The following ANKRD61 variants were observed in gnomAD, a reference collection of about 807,000 sequenced individuals.
ANKRD61 encodes the protein ankyrin repeat domain 61.
Under a neutral mutation model 8.4 loss-of-function variants are expected in ANKRD61, and 7 were observed. That is an observed-to-expected ratio of 0.84 (90% CI 0.48 to 1.57). The LOEUF (loss-of-function observed/expected upper bound fraction) is 1.57. ANKRD61 is among the 40% of genes most tolerant of loss of function. The pLI, the probability that ANKRD61 is intolerant of heterozygous loss-of-function variation, is 0.00. For synonymous variants in ANKRD61, 198 were observed against 208.0 expected (o/e 0.95, Z 0.41); for missense variants, 516 against 523.4 (o/e 0.99, Z 0.14).
In ANKRD61 at chr7:6,036,050, A is replaced by T. The variant is rs1319271907; in HGVS notation, c.921A>T (p.Leu307Phe). 1 of 1,551,106 alleles carries T rather than the reference A, an allele frequency of 6.4e-7. No individual in the cohort carries two copies. Among genetic ancestry groups the T allele is most frequent in the South Asian group, 1.2e-5 (1 of 84,058 alleles). ...LLEFEANVNI[L>F]TRNGESPIYM... ...AATTTGAAGCAAATGTTAACATTTT[A>T]ACAAGAAACGGGGAATCTCCAATTT... The change falls in exon 3 of 3, where the codon TTA (leucine) becomes TTT (phenylalanine). Residue 307 changes from leucine (L) to phenylalanine (F), a missense_variant. By Grantham distance (22) the Leu-to-Phe change is conservative. Transcript: ENST00000409061. The surrounding 1 kb of genome is among the most constrained non-coding windows in gnomAD (Gnocchi z 4.6).
rs1366405083 is a variant in ANKRD61 at position 6,035,626 on chromosome 7, G to T, written c.497G>T (p.Ser166Ile). Reference sequence around the variant, plus strand: ...CAAGTGAACACTCAAGGGGAAATCAGCAACAAACGTTCACCACTCCACCTG... The same window carrying T: ...CAAGTGAACACTCAAGGGGAAATCATCAACAAACGTTCACCACTCCACCTG... ...GAQVNTQGEI[S>I]NKRSPLHLAI... The change falls in exon 3 of 3, where the codon AGC becomes ATC. Residue 166 changes from serine to isoleucine, a missense_variant. Physicochemically the swap from Ser to Ile is moderately radical, Grantham distance 142. Transcript: ENST00000409061. This position sits in a 1 kb window ranked among gnomAD's most constrained non-coding sequence, Gnocchi z 5.5. 3.2e-6 allele frequency: 5 copies of T among 1,550,630 alleles called. No individual in the cohort carries two copies. The East Asian group carries it at 1.2e-4, about 38-fold the overall frequency.
In ANKRD61 at chr7:6,031,472, T is replaced by C. The variant is rs1220998336; in HGVS notation, c.97T>C (p.Tyr33His). The C allele has an allele frequency of 1.9e-6, 3 of 1,550,666 alleles. No individual in the cohort carries two copies. The highest frequency in any genetic ancestry group is 1.7e-6 in the Non-Finnish European group (2 of 1,147,034). The change falls in exon 1 of 3, where the codon TAT becomes CAT. Residue 33 changes from tyrosine to histidine, a missense_variant. Tyr to His is a moderately conservative substitution (Grantham distance 83). Coordinates refer to ENST00000409061, the MANE Select transcript of ANKRD61 (RefSeq NM_001271700.2). ...GPSAALHSKLYEAIMREDCTT... is the reference protein window; with the variant it reads ...GPSAALHSKLHEAIMREDCTT... ...ATCTGCAGCACTTCACTCGAAACTC[T>C]ATGAAGCCATCATGAGAGAAGACTG... is the stretch of plus-strand genomic sequence containing the variant.
At position 6,035,903 on chromosome 7, in the gene ANKRD61, C is replaced by A; in HGVS notation, c.774C>A (p.Val258=). Residue 258 remains valine, a synonymous_variant, in exon 3 of 3, where the codon GTC becomes GTA. Coordinates refer to ENST00000409061, the MANE Select transcript of ANKRD61 (RefSeq NM_001271700.2). This position sits in a 1 kb window ranked among gnomAD's most constrained non-coding sequence, Gnocchi z 5.5. The part of the protein sequence containing the change: ...SKAGRLLGAG[V]SCIRLLLTHG... Reference sequence around the variant, plus strand: ...CAGGCCGACTCCTCGGGGCGGGGGTCAGCTGCATCCGTCTGCTACTCACTC... The same window carrying A: ...CAGGCCGACTCCTCGGGGCGGGGGTAAGCTGCATCCGTCTGCTACTCACTC... 6.5e-7 allele frequency: 1 copy of A among 1,546,716 alleles called. No individual in the cohort carries two copies. Among genetic ancestry groups the A allele is most frequent in the Non-Finnish European group, 8.7e-7 (1 of 1,144,538 alleles).
Position 6,031,521 on chromosome 7 carries a change from GA to G in ANKRD61, c.149del (p.Asn50IlefsTer21). 1 of 1,550,706 alleles carries G rather than the reference GA, an allele frequency of 6.4e-7. No individual in the cohort carries two copies. On this transcript the variant is annotated frameshift_variant, in exon 1 of 3. Transcript: ENST00000409061. LOFTEE classifies it high-confidence loss of function. ...EDCTTIEVLL[R>X]NHPVNQPITI... is the part of the protein sequence containing the mutation. Reference sequence around the variant, plus strand: ...TGCACTACGATCGAGGTACTCCTGAGAAATCACCCTGTCAACCAGCCCATCA... The same window carrying G: ...TGCACTACGATCGAGGTACTCCTGAGAATCACCCTGTCAACCAGCCCATCA...
rs1469882703 is a variant in ANKRD61, at chr7:6,032,952, C to G, written c.314+16C>G. The G allele has an allele frequency of 1.3e-6, 2 of 1,539,632 alleles. No homozygotes were observed. The highest frequency in any genetic ancestry group is 1.8e-6 in the Non-Finnish European group (2 of 1,137,926). On this transcript the variant is annotated intron_variant, in intron 2 of 2. Coordinates refer to ENST00000409061, the MANE Select transcript of ANKRD61 (RefSeq NM_001271700.2). This position sits in a 1 kb window ranked among gnomAD's most constrained non-coding sequence, Gnocchi z 4.3. Reference sequence around the variant, plus strand: ...CAGAAGTCAGGTAAGTTAACTCCACCGAAAATCATTTCTTTTTTTTTCTTT... The same window carrying G: ...CAGAAGTCAGGTAAGTTAACTCCACGGAAAATCATTTCTTTTTTTTTCTTT...
Position 6,036,110 on chromosome 7 carries a change from T to C in ANKRD61, c.981T>C (p.Asp327=). The change falls in exon 3 of 3, where the codon GAT becomes GAC. Residue 327 remains aspartate (D), a synonymous_variant. Coordinates refer to ENST00000409061, the MANE Select transcript of ANKRD61 (RefSeq NM_001271700.2). The surrounding 1 kb of genome is among the most constrained non-coding windows in gnomAD (Gnocchi z 4.6). ...TTCAGCGCAGTTGCAATGTAAGAGA[T>C]ACGGCACTTCTGGCCAGGCTACTTT... ...MYLQRSCNVR[D]TALLARLLYH... The C allele has an allele frequency of 6.4e-7, 1 of 1,550,848 alleles. No homozygotes were observed. The highest frequency in any genetic ancestry group is 1.7e-4 in the Middle Eastern group (1 of 5,994).
rs1158796385 is a variant in ANKRD61, at chr7:6,036,333, G to C, written c.1204G>C (p.Val402Leu). Residue 402 changes from valine (V) to leucine (L), a missense_variant, in exon 3 of 3, where the codon GTG (valine) becomes CTG (leucine). Val to Leu is a conservative substitution (Grantham distance 32). Transcript: ENST00000409061. The surrounding 1 kb of genome is among the most constrained non-coding windows in gnomAD (Gnocchi z 4.6). ...YKQHLKQFLP[V>L]TIWNSVYCCY... is the part of the protein sequence containing the mutation. ...ACAGCACTTGAAGCAATTCCTCCCA[G>C]TGACAATATGGAATTCTGTCTACTG... is the stretch of plus-strand genomic sequence containing the variant. 3.3e-6 allele frequency: 5 copies of C among 1,537,988 alleles called. No individual in the cohort carries two copies. Among genetic ancestry groups the C allele is most frequent in the Non-Finnish European group, 4.4e-6 (5 of 1,142,708 alleles).
Position 6,032,946 on chromosome 7 carries a change from C to G in ANKRD61, c.314+10C>G. ...CTGACCCAGAAGTCAGGTAAGTTAACTCCACCGAAAATCATTTCTTTTTTT... is the reference window on the plus strand; with the variant it reads ...CTGACCCAGAAGTCAGGTAAGTTAAGTCCACCGAAAATCATTTCTTTTTTT... On this transcript the variant is annotated intron_variant, in intron 2 of 2. Transcript: ENST00000409061. The surrounding 1 kb of genome is among the most constrained non-coding windows in gnomAD (Gnocchi z 4.3). The G allele has an allele frequency of 6.5e-7, 1 of 1,544,844 alleles. No homozygotes were observed. Among genetic ancestry groups the G allele is most frequent in the Non-Finnish European group, 8.8e-7 (1 of 1,142,082 alleles).
chr7:6,035,445 G>A lies in ANKRD61; in HGVS notation c.316G>A (p.Asp106Asn). 5.8e-6 allele frequency: 9 copies of A among 1,548,940 alleles called. No individual in the cohort carries two copies. Among genetic ancestry groups the A allele is most frequent in the Non-Finnish European group, 7.0e-6 (8 of 1,145,614 alleles). ...LRHGADPEVR[D>N]TTGLTTLNLM... is the part of the protein sequence containing the mutation. The stretch of plus-strand genomic sequence containing the variant: ...ACGTGTAATCAATACCCATTCTAGG[G>A]ACACGACAGGCCTCACCACACTCAA... The change falls in exon 3 of 3, where the codon GAC becomes AAC. Residue 106 changes from aspartate to asparagine, a missense_variant and splice_region_variant. Asp to Asn is a conservative substitution (Grantham distance 23). Coordinates refer to ENST00000409061, the MANE Select transcript of ANKRD61 (RefSeq NM_001271700.2). This position sits in a 1 kb window ranked among gnomAD's most constrained non-coding sequence, Gnocchi z 5.5.
rs770727290 is a variant in ANKRD61 at position 6,032,964 on chromosome 7, CTTTT to C, written c.314+34_314+37del. 6.6e-7 allele frequency: 1 copy of C among 1,512,454 alleles called. No individual in the cohort carries two copies. The highest frequency in any genetic ancestry group is 9.0e-7 in the Non-Finnish European group (1 of 1,116,618). 93.7% of individuals were successfully genotyped at this position (1,512,454 alleles called of 1,614,324 possible). ...AAGTTAACTCCACCGAAAATCATTT[CTTTT>C]TTTTTCTTTTTTGTTTTGAGGCAGG... On this transcript the variant is annotated intron_variant, in intron 2 of 2. Coordinates refer to ENST00000409061, the MANE Select transcript of ANKRD61 (RefSeq NM_001271700.2). The surrounding 1 kb of genome is among the most constrained non-coding windows in gnomAD (Gnocchi z 4.3).
At position 6,032,689 on chromosome 7, in the gene ANKRD61, T is replaced by C. The variant is rs1787950658; in HGVS notation, c.217-150T>C. On this transcript the variant is annotated intron_variant, in intron 1 of 2. Coordinates refer to ENST00000409061, the MANE Select transcript of ANKRD61 (RefSeq NM_001271700.2). The surrounding 1 kb of genome is among the most constrained non-coding windows in gnomAD (Gnocchi z 4.3). Reference sequence around the variant, plus strand: ...AATTTTGATCATTTAAAACAGGTAGTAGAAAGGAAACTTTCAATGCACATA... The same window carrying C: ...AATTTTGATCATTTAAAACAGGTAGCAGAAAGGAAACTTTCAATGCACATA... 5 of 551,184 alleles carry C rather than the reference T, an allele frequency of 9.1e-6. No individual in the cohort carries two copies. The highest frequency in any genetic ancestry group is 1.6e-5 in the Non-Finnish European group (5 of 317,952). The allele number at this position is 551,184 out of a possible 1,614,324, so 34.1% of individuals were successfully genotyped here. A position where few individuals can be genotyped will look rare whatever the true frequency, so the allele number is the denominator to read the frequency against.
rs1186693298 is a variant in ANKRD61 at position 6,033,982 on chromosome 7, C to T, written c.314+1046C>T. On this transcript the variant is annotated intron_variant, in intron 2 of 2. Coordinates refer to ENST00000409061, the MANE Select transcript of ANKRD61 (RefSeq NM_001271700.2). This position sits in a 1 kb window ranked among gnomAD's most constrained non-coding sequence, Gnocchi z 4.4. ...ACCTCAACCAAATCAATGCCTGACA[C>T]TTAGCACGTGCTCAGTAATACTATC... Among the ~76,000 whole-genome samples, 2 of 152,068 alleles carry T rather than the reference C, an allele frequency of 1.3e-5. No homozygotes were observed. The highest frequency in any genetic ancestry group is 2.9e-5 in the Non-Finnish European group (2 of 68,024).
chr7:6,031,651 T>A, intron 1 of ANKRD61, 60 bp downstream of exon 1: 17 of 1,503,992 alleles, frequency 1.1e-5, no homozygotes, highest in Non-Finnish European at 1.4e-5. Context: ...GAAAGAAGCA[T>A]GATCTAAAGC....
intron 1 of ANKRD61, 100 bp downstream of exon 1, chr7:6,031,691 T>C (rs1787918231): frequency 1.7e-6 from 2 of 1,210,012 alleles, no homozygotes; most frequent in Non-Finnish European, 2.3e-6. Context: ...ACGGCCCTTA[T>C]GAGAATGAGA....
rs944618099 is a variant in ANKRD61, at chr7:6,031,683, G to A, written c.216+92G>A. On this transcript the variant is annotated intron_variant, in intron 1 of 2. Transcript: ENST00000409061. Reference sequence around the variant, plus strand: ...AAGCTGGTGAACCCACTAAGCTCACGGCCCTTATGAGAATGAGACACGACT... The same window carrying A: ...AAGCTGGTGAACCCACTAAGCTCACAGCCCTTATGAGAATGAGACACGACT... 2.9e-5 allele frequency: 38 copies of A among 1,300,744 alleles called. No individual in the cohort carries two copies. In the African/African-American group the frequency reaches 4.3e-4, roughly 15 times the overall value. The allele number at this position is 1,300,744 out of a possible 1,614,324, so 80.6% of individuals were successfully genotyped here.
chr7:6,036,094 G>C lies in ANKRD61; in HGVS notation c.965G>C (p.Ser322Thr), dbSNP rs1433524782. ...CCAATTTATATGTACCTTCAGCGCA[G>C]TTGCAATGTAAGAGATACGGCACTT... is the stretch of plus-strand genomic sequence containing the variant. ...ESPIYMYLQR[S>T]CNVRDTALLA... The change falls in exon 3 of 3, where the codon AGT becomes ACT. Residue 322 changes from serine (S) to threonine (T), a missense_variant. Ser to Thr is a moderately conservative substitution (Grantham distance 58). Transcript: ENST00000409061. The surrounding 1 kb of genome is among the most constrained non-coding windows in gnomAD (Gnocchi z 4.6). 6 of 1,550,756 alleles carry C rather than the reference G, an allele frequency of 3.9e-6. No individual in the cohort carries two copies. Among genetic ancestry groups the C allele is most frequent in the Non-Finnish European group, 5.2e-6 (6 of 1,147,092 alleles).
Position 6,032,959 on chromosome 7 carries a change from C to A in ANKRD61, c.314+23C>A. The A allele has an allele frequency of 1.3e-6, 2 of 1,535,422 alleles. No individual in the cohort carries two copies. Among genetic ancestry groups the A allele is most frequent in the South Asian group, 2.4e-5 (2 of 83,550 alleles). ...CAGGTAAGTTAACTCCACCGAAAAT[C>A]ATTTCTTTTTTTTTCTTTTTTGTTT... is the stretch of plus-strand genomic sequence containing the variant. On this transcript the variant is annotated intron_variant, in intron 2 of 2. Coordinates refer to ENST00000409061, the MANE Select transcript of ANKRD61 (RefSeq NM_001271700.2). The surrounding 1 kb of genome is among the most constrained non-coding windows in gnomAD (Gnocchi z 4.3).
Position 6,032,967 on chromosome 7 carries a change from T to G in ANKRD61, c.314+31T>G. 2 of 1,528,036 alleles carry G rather than the reference T, an allele frequency of 1.3e-6. No individual in the cohort carries two copies. Among genetic ancestry groups the G allele is most frequent in the Non-Finnish European group, 1.8e-6 (2 of 1,128,482 alleles). The allele number at this position is 1,528,036 out of a possible 1,614,324, so 94.7% of individuals were successfully genotyped here. A position where few individuals can be genotyped will look rare whatever the true frequency, so the allele number is the denominator to read the frequency against. On this transcript the variant is annotated intron_variant, in intron 2 of 2. Coordinates refer to ENST00000409061, the MANE Select transcript of ANKRD61 (RefSeq NM_001271700.2). This position sits in a 1 kb window ranked among gnomAD's most constrained non-coding sequence, Gnocchi z 4.3. ...TTAACTCCACCGAAAATCATTTCTT[T>G]TTTTTTCTTTTTTGTTTTGAGGCAG...
chr7:6,034,608 A>G (rs1328187059), intron 2 of ANKRD61, among the ~76,000 whole-genome samples: 3 of 152,222 alleles, frequency 2.0e-5, no homozygotes, highest in Non-Finnish European at 4.4e-5. Flanking sequence ...GCTAGACTAT[A>G]AGCCCTACAA....
Sources: allele counts gnomAD v4.1 joint callset (sites outside exome capture counted in the v4.1 genomes callset), GRCh38; gene constraint gnomAD v4.1.1; non-coding constraint Gnocchi (gnomAD v3.1); transcripts MANE v1.5; gene names NCBI Gene and HGNC (gene_info 2026-07-23, HGNC 2026-07-21).